ROBO2: variants seen among roughly 807,000 people sequenced by gnomAD.
ROBO2 encodes the protein roundabout homolog 2.
Under a neutral mutation model 160.8 loss-of-function variants are expected in ROBO2, and 53 were observed. That is an observed-to-expected ratio of 0.33 (90% CI 0.26 to 0.41). The LOEUF (loss-of-function observed/expected upper bound fraction) is 0.41. ROBO2 is among the 10% of genes least tolerant of loss of function. ROBO2 has a pLI of 1.00. For missense variants in ROBO2, 1,577 were observed against 1,722.4 expected, an observed-to-expected ratio of 0.92 and a Z score of 1.49; for synonymous variants, 664 against 611.7, an observed-to-expected ratio of 1.09 and a Z score of -1.26.
chr3:77,060,609 CAG>C (rs2066203461), intron 1 of ROBO2, among the ~76,000 whole-genome samples: 1 of 152,082 alleles, frequency 6.6e-6, no homozygotes, highest in Non-Finnish European at 1.5e-5. Flanking sequence ...ATAGCAAATG[CAG>C]AGAGAGGCTT....
intron 2 of ROBO2, among the ~76,000 whole-genome samples, chr3:76,794,132 T>C (rs1294819612): frequency 6.6e-6 from 1 of 151,880 alleles, no homozygotes; most frequent in Non-Finnish European, 1.5e-5. Flanking sequence ...TTATTAAAAT[T>C]TGAATGGTGC....
intron 2 of ROBO2, among the ~76,000 whole-genome samples, chr3:76,377,298 A>C (rs1047311398): frequency 1.3e-5 from 2 of 152,170 alleles, no homozygotes; most frequent in African/African-American, 4.8e-5. Flanking sequence ...CCTGCATTGC[A>C]CTGTTAATAG....
At chr3:76,226,848 A>G (rs1704318805) in intron 2 of ROBO2, among the ~76,000 whole-genome samples, 1 of 152,168 alleles carries the variant, frequency 6.6e-6, no homozygotes, top group African/African-American at 2.4e-5. Context: ...GCTTGCCTGT[A>G]TTTGGCAAAG....
At chr3:76,918,411 A>T (rs2076460508) in intron 2 of ROBO2, among the ~76,000 whole-genome samples, 1 of 152,194 alleles carries the variant, frequency 6.6e-6, no homozygotes, top group South Asian at 2.1e-4. Flanking sequence ...TGAGTCAATT[A>T]AACCTCTTTT....
intron 2 of ROBO2, among the ~76,000 whole-genome samples, chr3:76,818,605 C>G (rs189689495): frequency 6.6e-6 from 1 of 152,052 alleles, no homozygotes; most frequent in East Asian, 1.9e-4. Context: ...CTGAAGTTAC[C>G]TTCTAAAATT....
intron 2 of ROBO2, among the ~76,000 whole-genome samples, chr3:76,151,272 T>C (rs2072187438): frequency 6.6e-6 from 1 of 152,122 alleles, no homozygotes; most frequent in Non-Finnish European, 1.5e-5. Flanking sequence ...ATGGAAATCT[T>C]TATCTCTCTC....
chr3:76,962,378 C>T (rs528510175), intron 2 of ROBO2, among the ~76,000 whole-genome samples: 3 of 151,842 alleles, frequency 2.0e-5, no homozygotes, highest in South Asian at 4.2e-4. Context: ...GTGGCTCATG[C>T]CACTAATCCT....
At chr3:76,831,706 A>T (rs2067111463) in intron 2 of ROBO2, among the ~76,000 whole-genome samples, 1 of 152,200 alleles carries the variant, frequency 6.6e-6, no homozygotes, top group Admixed American at 6.6e-5. Flanking sequence ...CAAAACTAAG[A>T]CAAACTATTG....
chr3:76,231,955 G>T (rs1404060285), intron 2 of ROBO2, among the ~76,000 whole-genome samples: 2 of 152,126 alleles, frequency 1.3e-5, no homozygotes, highest in Non-Finnish European at 2.9e-5. Flanking sequence ...CTATACAGAA[G>T]TTTTTAAAAA....
At chr3:76,067,092 G>A (rs551060254) in intron 2 of ROBO2, among the ~76,000 whole-genome samples, 5 of 152,154 alleles carry the variant, frequency 3.3e-5, no homozygotes, top group African/African-American at 9.7e-5. Flanking sequence ...CAAGGCAATA[G>A]CTGAGCAAAG....
intron 2 of ROBO2, among the ~76,000 whole-genome samples, chr3:76,272,892 AAATAT>A (rs1242050690): frequency 1.7e-5 from 1 of 57,710 alleles, no homozygotes; most frequent in Non-Finnish European, 3.2e-5. Flanking sequence ...TTATATATAA[AAATAT>A]AATATATATT....
chr3:76,215,267 A>G (rs1263539559), intron 2 of ROBO2, among the ~76,000 whole-genome samples: 1 of 152,172 alleles, frequency 6.6e-6, no homozygotes, highest in Non-Finnish European at 1.5e-5. Context: ...TCCTCCTCCA[A>G]AGGAATGCAG....
intron 2 of ROBO2, among the ~76,000 whole-genome samples, chr3:76,479,309 A>C (rs553968391): frequency 1.4e-4 from 22 of 152,276 alleles, no homozygotes; most frequent in East Asian, 1.2e-3. Context: ...CATTTTTACT[A>C]GTTTTAAAAT....
intron 2 of ROBO2, among the ~76,000 whole-genome samples, chr3:76,729,241 T>C (rs1425737054): frequency 6.6e-6 from 1 of 152,180 alleles, no homozygotes; most frequent in Non-Finnish European, 1.5e-5. Flanking sequence ...CTGTCTTTTT[T>C]TTTTTTAACA....
chr3:76,951,836 A>G (rs774397731), intron 2 of ROBO2, among the ~76,000 whole-genome samples: 13 of 152,338 alleles, frequency 8.5e-5, no homozygotes, highest in South Asian at 4.1e-4. Flanking sequence ...GCCAACTGCT[A>G]TATCTTCAGA....
At chr3:76,952,462 T>C (rs1004880089) in intron 2 of ROBO2, among the ~76,000 whole-genome samples, 2 of 152,004 alleles carry the variant, frequency 1.3e-5, no homozygotes, top group Admixed American at 1.3e-4. Flanking sequence ...TTTTGTATTT[T>C]TAGTAGAGAT....
chr3:77,596,791 CTCTCTTT>C, intron 19 of ROBO2, 41 bp downstream of exon 20: 2 of 1,523,338 alleles, frequency 1.3e-6, no homozygotes, highest in Admixed American at 4.1e-5. Context: ...TGAGTTCTCT[CTCTCTTT>C]TTTTTTTTTT....
intron 2 of ROBO2, among the ~76,000 whole-genome samples, chr3:76,017,046 G>A (rs1369613962): frequency 6.6e-6 from 1 of 152,110 alleles, no homozygotes; most frequent in East Asian, 1.9e-4. Flanking sequence ...TGTATACAAC[G>A]TATTGTAAAA....
intron 2 of ROBO2, among the ~76,000 whole-genome samples, chr3:76,106,247 C>T (rs930493823): frequency 4.6e-5 from 7 of 151,926 alleles, no homozygotes; most frequent in African/African-American, 7.3e-5. Flanking sequence ...GTTGGATAAC[C>T]CAGAGTGAAG....
Sources: allele counts gnomAD v4.1 joint callset (sites outside exome capture counted in the v4.1 genomes callset), GRCh38; gene constraint gnomAD v4.1.1; transcripts MANE v1.5; gene names NCBI Gene and HGNC (gene_info 2026-07-23, HGNC 2026-07-21).